The following SV2C variants were observed in gnomAD, a reference collection of about 807,000 sequenced individuals.
SV2C encodes solute carrier family 22 member B3.
A neutral mutation model predicts 79.7 loss-of-function variants in SV2C; 49 were observed. The observed-to-expected ratio is 0.61, with a 90% confidence interval of 0.49 to 0.78. SV2C has a LOEUF of 0.78. Among genes scored for constraint, SV2C ranks in the 30% least tolerant of loss-of-function variants. The pLI, the probability that SV2C is intolerant of heterozygous loss-of-function variation, is 0.00. For synonymous variants in SV2C, 334 were observed against 333.2 expected, an observed-to-expected ratio of 1.00 and a Z score of -0.03; for missense variants, 833 against 912.9, an observed-to-expected ratio of 0.91 and a Z score of 1.13.
chr5:75,958,468 C>T, the SV2C span, among the ~76,000 whole-genome samples: 1 of 151,968 alleles, frequency 6.6e-6, no homozygotes, highest in African/African-American at 2.4e-5. Flanking sequence ...TGGTATTTTT[C>T]CTGATTCCTT....
chr5:76,320,660 G>T (rs1384154502), intron 12 of SV2C, among the ~76,000 whole-genome samples: 2 of 152,070 alleles, frequency 1.3e-5, no homozygotes, highest in Non-Finnish European at 2.9e-5. Context: ...GGTGGGGACG[G>T]GGTCATTCTA....
At chr5:76,176,312 G>T (rs1355628851) in intron 2 of SV2C, among the ~76,000 whole-genome samples, 1 of 152,212 alleles carries the variant, frequency 6.6e-6, no homozygotes, top group Non-Finnish European at 1.5e-5. Context: ...TTTCTAAGAA[G>T]AGCTGCGGTT....
chr5:75,951,985 G>A, the SV2C span, among the ~76,000 whole-genome samples: 1 of 151,906 alleles, frequency 6.6e-6, no homozygotes, highest in Non-Finnish European at 1.5e-5. Context: ...CCCTTCTCAA[G>A]CAGGGAAATC....
the SV2C span, among the ~76,000 whole-genome samples, chr5:76,069,222 T>C: frequency 7.2e-5 from 11 of 152,248 alleles, no homozygotes; most frequent in Non-Finnish European, 1.3e-4. Context: ...CAACACCATA[T>C]GCTTTGAGAA....
intron 4 of SV2C, among the ~76,000 whole-genome samples, chr5:76,244,298 T>C (rs920366262): frequency 7.2e-5 from 11 of 152,210 alleles, no homozygotes; most frequent in African/African-American, 2.4e-4. Flanking sequence ...AATTGACAAA[T>C]GATTTATAGA....
At position 76,298,880 on chromosome 5, in the gene SV2C, C is replaced by G; in HGVS notation, c.1589C>G (p.Thr530Ser). The G allele has an allele frequency of 6.2e-7, 1 of 1,613,996 alleles. No individual in the cohort carries two copies. The highest frequency in any genetic ancestry group is 8.5e-7 in the Non-Finnish European group (1 of 1,179,912). The change falls in exon 10 of 13, where the codon ACC becomes AGC. Residue 530 changes from threonine (T) to serine (S), a missense_variant. Transcript: ENST00000502798. ...CTFEDVTSVN[T>S]YFKNCTFIDT... ...TTTGAGGATGTAACTTCAGTGAACA[C>G]CTACTTCAAGAACTGCACATTTATT... is the stretch of plus-strand genomic sequence containing the variant.
At chr5:76,115,350 A>T (rs746833556) in intron 1 of SV2C, among the ~76,000 whole-genome samples, 2 of 152,212 alleles carry the variant, frequency 1.3e-5, no homozygotes, top group Non-Finnish European at 2.9e-5. Context: ...ATAGGCGTAC[A>T]GGGGAAAGGG....
the SV2C span, among the ~76,000 whole-genome samples, chr5:75,853,363 T>C: frequency 2.0e-5 from 3 of 151,638 alleles, no homozygotes; most frequent in African/African-American, 7.3e-5. Flanking sequence ...GAGACCATCC[T>C]GGCTAACACG....
At chr5:76,241,426 C>T (rs1745782907) in intron 4 of SV2C, among the ~76,000 whole-genome samples, 1 of 152,142 alleles carries the variant, frequency 6.6e-6, no homozygotes, top group African/African-American at 2.4e-5. Context: ...TCACATTTAG[C>T]ATGTTGTTTA....
the SV2C span, among the ~76,000 whole-genome samples, chr5:75,964,104 T>C: frequency 2.9e-3 from 442 of 150,754 alleles, 1 homozygote; most frequent in African/African-American, 0.011. Flanking sequence ...AGTATTTCTG[T>C]TTCCCCCAAG....
chr5:75,937,383 A>G, the SV2C span, among the ~76,000 whole-genome samples: 1 of 152,004 alleles, frequency 6.6e-6, no homozygotes, highest in Non-Finnish European at 1.5e-5. Flanking sequence ...TTTTCATCAC[A>G]ATCACTTTCA....
At chr5:75,993,265 AAC>A in the SV2C span, among the ~76,000 whole-genome samples, 2 of 152,104 alleles carry the variant, frequency 1.3e-5, no homozygotes, top group Admixed American at 1.3e-4. Context: ...AAAAATTTGT[AAC>A]AGTCACAAAA....
upstream of SV2C, chr5:76,078,668 C>T (rs924764633): frequency 2.2e-6 from 1 of 452,344 alleles, no homozygotes; most frequent in South Asian, 2.0e-5. Context: ...GCCTCACTGT[C>T]ACAGCAGCAT....
chr5:76,130,436 T>C (rs1748847472), intron 1 of SV2C, among the ~76,000 whole-genome samples: 1 of 152,208 alleles, frequency 6.6e-6, no homozygotes, highest in Admixed American at 6.5e-5. Context: ...TGTATGTTAG[T>C]AATAGCTACT....
chr5:76,250,948 C>T (rs903513493), intron 4 of SV2C, among the ~76,000 whole-genome samples: 4 of 151,852 alleles, frequency 2.6e-5, no homozygotes, highest in Non-Finnish European at 4.4e-5. Flanking sequence ...AAGTTACTTA[C>T]GATCTGAAAA....
chr5:75,874,311 G>C, the SV2C span, among the ~76,000 whole-genome samples: 2 of 152,086 alleles, frequency 1.3e-5, no homozygotes, highest in Non-Finnish European at 2.9e-5. Context: ...AAAAACACAT[G>C]ATTATCTCAA....
intron 1 of SV2C, among the ~76,000 whole-genome samples, chr5:76,109,432 A>G (rs6453200): frequency 0.022 from 3,285 of 152,324 alleles, 125 homozygotes; most frequent in African/African-American, 0.076. Context: ...CTTCTTAAGT[A>G]TAATCAAATG....
At chr5:75,900,903 A>C in the SV2C span, among the ~76,000 whole-genome samples, 2 of 152,030 alleles carry the variant, frequency 1.3e-5, no homozygotes, top group Non-Finnish European at 2.9e-5. Flanking sequence ...TGCATTCTTC[A>C]CGTAGTTCTT....
At chr5:75,908,311 A>G in the SV2C span, among the ~76,000 whole-genome samples, 1 of 152,182 alleles carries the variant, frequency 6.6e-6, no homozygotes. Context: ...CACATTATGT[A>G]TCTTACCAGT....
Sources: allele counts gnomAD v4.1 joint callset (sites outside exome capture counted in the v4.1 genomes callset), GRCh38; gene constraint gnomAD v4.1.1; transcripts MANE v1.5; gene names NCBI Gene and HGNC (gene_info 2026-07-23, HGNC 2026-07-21).